RASAL2: variants seen among roughly 807,000 people sequenced by gnomAD.
RASAL2 encodes the protein RAS protein activator like 2, also known as ras GTPase-activating protein nGAP.
RASAL2 carries 58 observed loss-of-function variants against 128.9 expected under a neutral mutation model. The observed-to-expected ratio is 0.45, with a 90% CI of 0.36 to 0.56. The LOEUF (loss-of-function observed/expected upper bound fraction) is 0.56. RASAL2 is among the 20% of genes least tolerant of loss of function. The pLI is 0.00. For missense variants in RASAL2, 1,360 were observed against 1,601.6 expected (o/e 0.85, Z 2.57); for synonymous variants, 561 against 580.8 (o/e 0.97, Z 0.49).
intron 8 of RASAL2, among the ~76,000 whole-genome samples, chr1:178,444,234 G>C (rs143265304): frequency 1.3e-5 from 2 of 151,984 alleles, no homozygotes; most frequent in Admixed American, 6.6e-5. Context: ...ACTGATTTAC[G>C]TACATTTTAG....
In RASAL2 at chr1:178,402,419, C is replaced by T. The variant is rs1252450657; in HGVS notation, c.564+12213C>T. Among the ~76,000 whole-genome samples, 4 of 151,172 alleles carry T rather than the reference C, an allele frequency of 2.6e-5. No individual in the cohort carries two copies. In the East Asian group the frequency reaches 7.8e-4, roughly 29 times the overall value. On this transcript the variant is annotated intron_variant, in intron 4 of 17. Coordinates refer to ENST00000367649, the MANE Select transcript of RASAL2 (RefSeq NM_170692.4). ...ACTTCATCTAAAAAAAAAAAAGGAC[C>T]AACATATATATTATATATAGTAAGG...
intron 14 of RASAL2, among the ~76,000 whole-genome samples, chr1:178,463,304 C>T (rs921997306): frequency 6.6e-6 from 1 of 152,110 alleles, no homozygotes; most frequent in Non-Finnish European, 1.5e-5. Flanking sequence ...TGTGTGTTTC[C>T]ATCATTGTTT....
intron 1 of RASAL2, among the ~76,000 whole-genome samples, chr1:178,100,906 G>T (rs1281121270): frequency 6.6e-6 from 1 of 152,144 alleles, no homozygotes; most frequent in Non-Finnish European, 1.5e-5. Flanking sequence ...GAGTTGTTTG[G>T]TCTTGTTAAC....
At chr1:178,185,582 G>T (rs900006339) in intron 1 of RASAL2, among the ~76,000 whole-genome samples, 1 of 151,572 alleles carries the variant, frequency 6.6e-6, no homozygotes, top group Non-Finnish European at 1.5e-5. Flanking sequence ...GGAGTGAGGG[G>T]GTTAAATCAT....
At chr1:178,456,921 CACT>C in intron 13 of RASAL2, 22 bp downstream of exon 13, 1 of 1,600,340 alleles carries the variant, frequency 6.2e-7, no homozygotes, top group South Asian at 1.1e-5. Flanking sequence ...AGAATTTGAC[CACT>C]ATCTCGGAGA....
intron 1 of RASAL2, among the ~76,000 whole-genome samples, chr1:178,126,318 T>C (rs1300584471): frequency 6.6e-6 from 1 of 152,194 alleles, no homozygotes; most frequent in Non-Finnish European, 1.5e-5. Context: ...ATAATGTATA[T>C]TTTTTAAGAT....
intron 1 of RASAL2, among the ~76,000 whole-genome samples, chr1:178,102,035 A>ATTG (rs1658920330): frequency 1.3e-5 from 2 of 149,894 alleles, no homozygotes; most frequent in South Asian, 2.1e-4. Flanking sequence ...TTTTTTTTTC[A>ATTG]TATTTTTCCT....
intron 3 of RASAL2, among the ~76,000 whole-genome samples, chr1:178,369,003 A>C (rs528463032): frequency 6.6e-6 from 1 of 152,248 alleles, no homozygotes; most frequent in African/African-American, 2.4e-5. Flanking sequence ...ACAGCCCACT[A>C]TAGAGTTTTA....
At chr1:178,145,169 A>G (rs569341260) in intron 1 of RASAL2, among the ~76,000 whole-genome samples, 14 of 152,170 alleles carry the variant, frequency 9.2e-5, no homozygotes, top group Non-Finnish European at 2.1e-4. Context: ...TTTCTGTAAT[A>G]CTTAAGTTTA....
chr1:178,154,923 A>G (rs1661033111), intron 1 of RASAL2, among the ~76,000 whole-genome samples: 1 of 152,144 alleles, frequency 6.6e-6, no homozygotes, highest in Non-Finnish European at 1.5e-5. Flanking sequence ...TTCCGGGTTC[A>G]GGCGATTCTC....
intron 4 of RASAL2, chr1:178,411,858 A>C (rs1674411091): frequency 1.4e-6 from 1 of 738,866 alleles, no homozygotes; most frequent in Admixed American, 1.8e-5. Context: ...TCTGGGCCAC[A>C]GGAGGAAATA....
At chr1:178,456,308 G>C (rs576320192) in intron 12 of RASAL2, among the ~76,000 whole-genome samples, 2 of 152,200 alleles carry the variant, frequency 1.3e-5, no homozygotes, top group African/African-American at 4.8e-5. Flanking sequence ...TTGATCCTCT[G>C]ATCTTGAAGT....
intron 1 of RASAL2, among the ~76,000 whole-genome samples, chr1:178,229,087 A>G (rs184622524): frequency 6.6e-6 from 1 of 152,310 alleles, no homozygotes; most frequent in Non-Finnish European, 1.5e-5. Context: ...CATTTGCTTT[A>G]TCATATTTTA....
At chr1:178,297,379 A>T (rs1021097327) in intron 2 of RASAL2, among the ~76,000 whole-genome samples, 2 of 151,804 alleles carry the variant, frequency 1.3e-5, no homozygotes, top group African/African-American at 4.8e-5. Flanking sequence ...AGGCGGGTGG[A>T]TCACCTGAGG....
At chr1:178,457,547 G>A in intron 13 of RASAL2, 136 bp from the exon 14 acceptor site, 4 of 899,978 alleles carry the variant, frequency 4.4e-6, no homozygotes, top group Non-Finnish European at 5.1e-6. Context: ...TCCCTAATTA[G>A]ATAAAATCTG....
chr1:178,306,091 G>T (rs1667971704), intron 3 of RASAL2, among the ~76,000 whole-genome samples: 1 of 152,154 alleles, frequency 6.6e-6, no homozygotes, highest in African/African-American at 2.4e-5. Flanking sequence ...CATAGATTTT[G>T]ATTCATCAAA....
At chr1:178,144,797 A>G (rs1660661877) in intron 1 of RASAL2, among the ~76,000 whole-genome samples, 1 of 152,200 alleles carries the variant, frequency 6.6e-6, no homozygotes, top group Non-Finnish European at 1.5e-5. Context: ...TTTCTAAATC[A>G]TTCTAGGAGA....
At chr1:178,421,243 G>A (rs965121300) in intron 5 of RASAL2, among the ~76,000 whole-genome samples, 3 of 152,128 alleles carry the variant, frequency 2.0e-5, no homozygotes, top group Non-Finnish European at 4.4e-5. Flanking sequence ...TAGAAGACGT[G>A]CTGAAAAGGA....
chr1:178,268,462 A>G (rs564201219), intron 1 of RASAL2, among the ~76,000 whole-genome samples: 1 of 151,926 alleles, frequency 6.6e-6, no homozygotes, highest in Admixed American at 6.6e-5. Context: ...GCGAGCCTCC[A>G]TCTCAAAAAA....
Sources: allele counts gnomAD v4.1 joint callset (sites outside exome capture counted in the v4.1 genomes callset), GRCh38; gene constraint gnomAD v4.1.1; transcripts MANE v1.5; gene names NCBI Gene and HGNC (gene_info 2026-07-23, HGNC 2026-07-21).